Variants in BMP6 observed in about 807,000 individuals in gnomAD.
BMP6 encodes the protein bone morphogenetic protein 6.
A neutral mutation model predicts 54.1 loss-of-function variants in BMP6; 17 were observed. That is an observed-to-expected ratio of 0.31 (90% CI 0.22 to 0.47). The LOEUF is 0.47. Among genes scored for constraint, BMP6 ranks in the 20% least tolerant of loss-of-function variants. BMP6 has a pLI of 1.00. For synonymous variants in BMP6, 328 were observed against 291.2 expected (o/e 1.13, Z -1.28); for missense variants, 720 against 690.4 (o/e 1.04, Z -0.48).
At position 7,727,354 on chromosome 6, in the gene BMP6, C is replaced by T. The variant is rs753324025; in HGVS notation, c.399C>T (p.Pro133=). ...EPPPGRLKSA[P]LFMLDLYNAL... is the part of the protein sequence containing the mutation. ...CTCCCGGGCGACTGAAGTCCGCGCC[C>T]CTCTTCATGCTGGATCTGTACAACG... is the stretch of plus-strand genomic sequence containing the variant. Residue 133 remains proline, a synonymous_variant, in exon 1 of 7, where the codon CCC becomes CCT. Transcript: ENST00000283147. The T allele has an allele frequency of 5.0e-6, 8 of 1,609,922 alleles. No individual in the cohort carries two copies. The highest frequency in any genetic ancestry group is 1.7e-5 in the Admixed American group (1 of 59,824).
At chr6:7,878,196 C>G (rs1759652253) in intron 4 of BMP6, among the ~76,000 whole-genome samples, 1 of 152,124 alleles carries the variant, frequency 6.6e-6, no homozygotes, top group Non-Finnish European at 1.5e-5. Flanking sequence ...CATCCATGTT[C>G]TGGTTTGTAT....
Position 7,861,515 on chromosome 6 carries a change from T to A in BMP6, c.922T>A (p.Phe308Ile), listed in dbSNP as rs371567583. 3.7e-6 allele frequency: 6 copies of A among 1,614,090 alleles called. No individual in the cohort carries two copies. The African/African-American group carries it at 8.0e-5, about 22-fold the overall frequency. The change falls in exon 3 of 7, where the codon TTT (phenylalanine) becomes ATT (isoleucine). Residue 308 changes from phenylalanine (F) to isoleucine (I), a missense_variant. Phe to Ile is a conservative substitution (Grantham distance 21). This residue lies in a region of BMP6 where 650 missense variants were observed against 556.3 expected (regional missense o/e 1.17). Transcript: ENST00000283147. ...VWASEEGWLE[F>I]DITATSNLWV... ...GGCCTCAGAAGAAGGCTGGCTGGAA[T>A]TTGACATCACGGCCACTAGCAATCT...
intron 1 of BMP6, among the ~76,000 whole-genome samples, chr6:7,810,032 T>A (rs1351368453): frequency 1.3e-5 from 2 of 152,182 alleles, no homozygotes; most frequent in Non-Finnish European, 2.9e-5. Context: ...TTTCAAACCA[T>A]TTTTTTAAAA....
chr6:7,793,041 T>G (rs911751), intron 1 of BMP6, among the ~76,000 whole-genome samples: 87,256 of 151,386 alleles, frequency 0.58, 25,560 homozygotes, highest in African/African-American at 0.64. Flanking sequence ...TTTGTCTCAC[T>G]TGTCCCACTT....
Position 7,874,320 on chromosome 6 carries a change from C to T in BMP6, c.1205-4754C>T, listed in dbSNP as rs184946921. On this transcript the variant is annotated intron_variant, in intron 4 of 6. Coordinates refer to ENST00000283147, the MANE Select transcript of BMP6 (RefSeq NM_001718.6). ...TTGCTAATAAACACATCACAGCCGC[C>T]ACATGGTTGTTCCTGGAATAGGTGA... Among the ~76,000 whole-genome samples the T allele has an allele frequency of 5.4e-3, 815 of 152,276 alleles. 7 individuals are homozygous for T. Among genetic ancestry groups the T allele is most frequent in the Non-Finnish European group, 7.1e-3 (486 of 68,028 alleles).
intron 1 of BMP6, among the ~76,000 whole-genome samples, chr6:7,779,188 G>A (rs2113165761): frequency 6.6e-6 from 1 of 152,334 alleles, no homozygotes; most frequent in South Asian, 2.1e-4. Context: ...TGTGGTGGGT[G>A]CCCAAGAAAT....
At chr6:7,816,920 A>G (rs1218734614) in intron 1 of BMP6, among the ~76,000 whole-genome samples, 1 of 152,104 alleles carries the variant, frequency 6.6e-6, no homozygotes, top group African/African-American at 2.4e-5. Flanking sequence ...TTATTGTGGC[A>G]ATATTTCAGT....
At chr6:7,798,359 C>G (rs1246935048) in intron 1 of BMP6, among the ~76,000 whole-genome samples, 2 of 152,222 alleles carry the variant, frequency 1.3e-5, no homozygotes, top group African/African-American at 4.8e-5. Context: ...ACTTTCCTCA[C>G]CTTACTGATG....
Position 7,845,670 on chromosome 6 carries a change from T to G in BMP6, c.857+338T>G, listed in dbSNP as rs571779485. Among the ~76,000 whole-genome samples the G allele has an allele frequency of 1.8e-4, 28 of 152,348 alleles. No homozygotes were observed. The South Asian group carries it at 5.8e-3, about 32-fold the overall frequency. The stretch of plus-strand genomic sequence containing the variant: ...ATAGGTGAGAGTGGCTAAAATAAAT[T>G]CATACATTAAAAGTATATGATGCTT... On this transcript the variant is annotated intron_variant, in intron 2 of 6. Transcript: ENST00000283147.
chr6:7,818,732 T>C (rs532345596), intron 1 of BMP6, among the ~76,000 whole-genome samples: 16 of 152,178 alleles, frequency 1.1e-4, no homozygotes, highest in Non-Finnish European at 1.9e-4. Context: ...TGCTTTCAAA[T>C]GAACAGGGGA....
chr6:7,784,075 T>G (rs979106550), intron 1 of BMP6, among the ~76,000 whole-genome samples: 1 of 152,250 alleles, frequency 6.6e-6, no homozygotes, highest in Non-Finnish European at 1.5e-5. Context: ...TAAAATCATC[T>G]AAATGAATCT....
rs9392928 is a variant in BMP6, at chr6:7,863,508, C to T, written c.1204+1010C>T. 3.3e-5 allele frequency among the ~76,000 whole-genome samples: 5 copies of T among 152,276 alleles called. No individual in the cohort carries two copies. In the East Asian group the frequency reaches 9.7e-4, roughly 29 times the overall value. On this transcript the variant is annotated intron_variant, in intron 4 of 6. Coordinates refer to ENST00000283147, the MANE Select transcript of BMP6 (RefSeq NM_001718.6). ...ACAGAGCCCTTCTTCAGCAGAAATC[C>T]AGGGCACGACTCCGGTTGGCTTGGC...
At chr6:7,776,183 C>G (rs1757859448) in intron 1 of BMP6, among the ~76,000 whole-genome samples, 1 of 152,198 alleles carries the variant, frequency 6.6e-6, no homozygotes, top group Admixed American at 6.5e-5. Flanking sequence ...GAATTTAGAG[C>G]TGAGTTAAAG....
intron 5 of BMP6, among the ~76,000 whole-genome samples, chr6:7,879,701 A>G (rs1026856844): frequency 6.6e-6 from 1 of 152,144 alleles, no homozygotes; most frequent in Non-Finnish European, 1.5e-5. Flanking sequence ...GGGCTCCTGG[A>G]GAGGCTTGCT....
chr6:7,728,204 A>G (rs1761783368), intron 1 of BMP6, among the ~76,000 whole-genome samples: 1 of 152,110 alleles, frequency 6.6e-6, no homozygotes, highest in African/African-American at 2.4e-5. Flanking sequence ...GGACCGCGGA[A>G]GGCGCTCGGA....
At chr6:7,832,327 G>T (rs1293987217) in intron 1 of BMP6, among the ~76,000 whole-genome samples, 1 of 152,196 alleles carries the variant, frequency 6.6e-6, no homozygotes, top group African/African-American at 2.4e-5. Flanking sequence ...CCTTTGGGAG[G>T]TGATTAAGCC....
At chr6:7,728,591 C>T (rs147780702) in intron 1 of BMP6, among the ~76,000 whole-genome samples, 2,385 of 152,324 alleles carry the variant, frequency 0.016, 24 homozygotes, top group Non-Finnish European at 0.026. Context: ...TCAGTGCCTC[C>T]GGTTTGCACT....
At chr6:7,733,470 A>G (rs1761904121) in intron 1 of BMP6, among the ~76,000 whole-genome samples, 1 of 152,172 alleles carries the variant, frequency 6.6e-6, no homozygotes, top group South Asian at 2.1e-4. Context: ...CCAAGGCCCC[A>G]TTCACGTAAA....
At chr6:7,820,723 C>T (rs1172862531) in intron 1 of BMP6, among the ~76,000 whole-genome samples, 1 of 152,130 alleles carries the variant, frequency 6.6e-6, no homozygotes, top group Non-Finnish European at 1.5e-5. Flanking sequence ...TCCCTTATCC[C>T]CTAGCACGTG....
Sources: gnomAD v4.1 joint callset for allele counts (sites outside exome capture counted in the v4.1 genomes callset) on GRCh38, gnomAD v4.1.1 for gene constraint, gnomAD v4.1.1 regional missense constraint, MANE v1.5 for transcripts, NCBI Gene and HGNC (gene_info 2026-07-23, HGNC 2026-07-21) for gene names.